Variants in LIMS2 observed in about 807,000 individuals in gnomAD.
The protein encoded by LIMS2 is LIM zinc finger domain containing 2, also known as LIM and senescent cell antigen-like-containing domain protein 2.
In LIMS2, 30 loss-of-function variants were observed where a neutral mutation model predicts 45.3. That is an observed-to-expected ratio of 0.66 (90% confidence interval 0.50 to 0.90). The LOEUF is 0.90. Among genes scored for constraint, LIMS2 ranks in the 40% least tolerant of loss-of-function variants. The probability of loss-of-function intolerance (pLI) is 0.00; values close to 1 mark genes in which losing one functional copy is unlikely to be tolerated. For synonymous variants in LIMS2, 173 were observed against 188.0 expected (o/e 0.92, Z 0.65); for missense variants, 485 against 468.7 (o/e 1.03, Z -0.32).
chr2:127,667,163 T>G lies in LIMS2; in HGVS notation c.11+7851A>C, dbSNP rs752293194. ...TACAAAACACCAGTGTGGTGGCACA[T>G]GCCTATAATCCCAGCTACTCAGGAG... On this transcript the variant is annotated intron_variant, in intron 1 of 9. Coordinates refer to ENST00000355119, the MANE Select transcript of LIMS2 (RefSeq NM_001161403.3). The surrounding 1 kb of genome is among the most constrained non-coding windows in gnomAD (Gnocchi z 4.1). 6.6e-6 allele frequency among the ~76,000 whole-genome samples: 1 copy of G among 152,176 alleles called. No homozygotes were observed.
intron 1 of LIMS2, among the ~76,000 whole-genome samples, chr2:127,666,829 T>G (rs1285801019): frequency 6.6e-6 from 1 of 152,028 alleles, no homozygotes; most frequent in African/African-American, 2.4e-5. Flanking sequence ...ATGAGCCCCT[T>G]ATAAAACCAG....
At position 127,640,289 on chromosome 2, in the gene LIMS2, G is replaced by T. The variant is rs1460705522; in HGVS notation, c.783C>A (p.Ser261Arg). The change falls in exon 8 of 10, where the codon AGC becomes AGA. Residue 261 changes from serine to arginine, a missense_variant. Coordinates refer to ENST00000355119, the MANE Select transcript of LIMS2 (RefSeq NM_001161403.3). The stretch of plus-strand genomic sequence containing the variant: ...CCTCACCATCGCCTTCAATCACATG[G>T]CTGCAGTTGTAGCAGACGTCCCCGA... The part of the protein sequence containing the change: ...QLFGDVCYNC[S>R]HVIEGDVVSA... 3.7e-6 allele frequency: 6 copies of T among 1,613,172 alleles called. No homozygotes were observed. The East Asian group carries it at 1.3e-4, about 36-fold the overall frequency.
chr2:127,639,187 G>A lies in LIMS2; in HGVS notation c.*94C>T, dbSNP rs1682132935. The A allele has an allele frequency of 4.5e-6, 6 of 1,329,116 alleles. No individual in the cohort carries two copies. The highest frequency in any genetic ancestry group is 3.9e-5 in the South Asian group (3 of 76,906). 82.3% of individuals were successfully genotyped at this position (1,329,116 alleles called of 1,614,324 possible). On this transcript the variant is annotated 3_prime_UTR_variant, in exon 10 of 10. Transcript: ENST00000355119. ...GAAAGAGAAAGGGAGGGTAAGATGC[G>A]GAGGGCACAGGTGGATGGGGACGAG...
intron 1 of LIMS2, among the ~76,000 whole-genome samples, chr2:127,665,045 C>T (rs531179672): frequency 1.6e-4 from 24 of 152,160 alleles, no homozygotes; most frequent in Admixed American, 1.4e-3. Context: ...GGGGAGCAGA[C>T]GCAGAGGGAC....
intron 1 of LIMS2, among the ~76,000 whole-genome samples, chr2:127,658,566 G>A (rs1468064706): frequency 1.3e-5 from 2 of 152,152 alleles, no homozygotes; most frequent in Admixed American, 6.5e-5. Flanking sequence ...AGCCAGGCCC[G>A]CAATCAGTCC....
In LIMS2 at chr2:127,671,977, G is replaced by A. The variant is rs1160884352; in HGVS notation, c.11+3037C>T. Among the ~76,000 whole-genome samples the A allele has an allele frequency of 1.3e-5, 2 of 152,242 alleles. No homozygotes were observed. Among genetic ancestry groups the A allele is most frequent in the East Asian group, 3.8e-4 (2 of 5,196 alleles). On this transcript the variant is annotated intron_variant, in intron 1 of 9. Coordinates refer to ENST00000355119, the MANE Select transcript of LIMS2 (RefSeq NM_001161403.3). The surrounding 1 kb of genome is among the most constrained non-coding windows in gnomAD (Gnocchi z 4.1). ...CGGGCACACTCCTCACCCGGAGGAG[G>A]GGCAAGATTGGTGGATATGAGGGCA...
chr2:127,662,625 CTTGTGGGGTGGGGG>C (rs1186420871), intron 1 of LIMS2, among the ~76,000 whole-genome samples: 1 of 59,224 alleles, frequency 1.7e-5, no homozygotes, highest in African/African-American at 7.3e-5. Flanking sequence ...ACCAGAGGCT[CTTGTGGGGTGGGGG>C]GTGGGGGGTG....
chr2:127,674,542 T>A, intron 1 of LIMS2: 1 of 829,246 alleles, frequency 1.2e-6, no homozygotes, highest in Non-Finnish European at 1.5e-6. Flanking sequence ...AGTTCCAACA[T>A]ACCCTTCAAC....
chr2:127,650,768 G>C, intron 4 of LIMS2: 1 of 1,613,848 alleles, frequency 6.2e-7, no homozygotes, highest in Non-Finnish European at 8.5e-7. Flanking sequence ...CCCCAGGTCT[G>C]ATCACCAACT....
chr2:127,642,261 G>C lies in LIMS2; in HGVS notation c.510-62C>G. On this transcript the variant is annotated intron_variant, in intron 5 of 9. Transcript: ENST00000355119. This position sits in a 1 kb window ranked among gnomAD's most constrained non-coding sequence, Gnocchi z 5.3. ...GCCCTTCTGCAGGGTCATGCCAGCA[G>C]CGCCTCCACCCCAGGGCACGGCTCC... is the stretch of plus-strand genomic sequence containing the variant. The C allele has an allele frequency of 7.0e-7, 1 of 1,430,878 alleles. No homozygotes were observed. The highest frequency in any genetic ancestry group is 1.5e-5 in the South Asian group (1 of 68,242). 88.6% of individuals were successfully genotyped at this position (1,430,878 alleles called of 1,614,324 possible). A position where few individuals can be genotyped will look rare whatever the true frequency, so the allele number is the denominator to read the frequency against.
intron 4 of LIMS2, chr2:127,643,690 G>A: frequency 9.2e-6 from 4 of 433,284 alleles, no homozygotes; most frequent in Non-Finnish European, 1.9e-5. Flanking sequence ...GTTCTCAACG[G>A]AGAGACAAAT....
chr2:127,649,476 A>G (rs1242666470), intron 4 of LIMS2, among the ~76,000 whole-genome samples: 1 of 152,260 alleles, frequency 6.6e-6, no homozygotes, highest in Non-Finnish European at 1.5e-5. Flanking sequence ...CTGTGCCATC[A>G]TCAGCACCCA....
rs1379406462 is a variant in LIMS2, at chr2:127,647,747, A to ACCATCCTCTCTGCTTGCCTCCCAT, written c.360-4676_360-4675insATGGGAGGCAAGCAGAGAGGATGG. On this transcript the variant is annotated intron_variant, in intron 4 of 9. Transcript: ENST00000355119. This position sits in a 1 kb window ranked among gnomAD's most constrained non-coding sequence, Gnocchi z 4.3. ...GCACACCTGTGTGCCCCTCCCATCT[A>ACCATCCTCTCTGCTTGCCTCCCAT]CCATGGGCTGTCCTCTCTGCTTGCC... Among the ~76,000 whole-genome samples, 9 of 151,192 alleles carry ACCATCCTCTCTGCTTGCCTCCCAT rather than the reference A, an allele frequency of 6.0e-5. No homozygotes were observed. Among genetic ancestry groups the ACCATCCTCTCTGCTTGCCTCCCAT allele is most frequent in the Non-Finnish European group, 1.2e-4 (8 of 67,800 alleles).
chr2:127,641,201 C>T (rs1184043631), intron 6 of LIMS2: 3 of 543,366 alleles, frequency 5.5e-6, no homozygotes, highest in African/African-American at 3.8e-5. Context: ...GGGACTGACA[C>T]CTCTGTGAAT....
intron 1 of LIMS2, among the ~76,000 whole-genome samples, chr2:127,660,988 A>G (rs1422765782): frequency 2.0e-5 from 3 of 152,152 alleles, no homozygotes; most frequent in Admixed American, 6.5e-5. Context: ...GCCCCAGCCC[A>G]AGTCACAGAG....
chr2:127,680,151 G>A (rs55768871), upstream of LIMS2, among the ~76,000 whole-genome samples: 1,587 of 152,372 alleles, frequency 0.01, 15 homozygotes, highest in Middle Eastern at 0.054. Flanking sequence ...AACCCCCCGG[G>A]GGGGAGCGGG....
intron 4 of LIMS2, chr2:127,652,219 ACT>A (rs1461180908): frequency 5.2e-6 from 1 of 192,094 alleles, no homozygotes; most frequent in African/African-American, 2.4e-5. Context: ...AGTGCAAGGT[ACT>A]CTGAGTCCCC....
At position 127,651,121 on chromosome 2, in the gene LIMS2, G is replaced by A. The variant is rs146830904; in HGVS notation, c.359+3303C>T. 172 of 1,613,328 alleles carry A rather than the reference G, an allele frequency of 1.1e-4. No homozygotes were observed. Among genetic ancestry groups the A allele is most frequent in the Admixed American group, 2.2e-4 (13 of 60,006 alleles). On this transcript the variant is annotated intron_variant, in intron 4 of 9. Coordinates refer to ENST00000355119, the MANE Select transcript of LIMS2 (RefSeq NM_001161403.3). ...TTCCTCACCTGCATCAGCGCCGACCGTTTCCTGGCCATTGTGCACCCGGTC... is the reference window on the plus strand; with the variant it reads ...TTCCTCACCTGCATCAGCGCCGACCATTTCCTGGCCATTGTGCACCCGGTC...
chr2:127,642,383 GCA>G lies in LIMS2; in HGVS notation c.510-186_510-185del, dbSNP rs1682515186. The G allele has an allele frequency of 1.6e-6, 1 of 622,814 alleles. No individual in the cohort carries two copies. The highest frequency in any genetic ancestry group is 3.0e-5 in the East Asian group (1 of 33,686). The allele number at this position is 622,814 out of a possible 1,614,324, so 38.6% of individuals were successfully genotyped here. ...TCCTGTGCCCCAGACAGGCCCTGGA[GCA>G]CAGACTTCCTGCACAGCCCAGAAGA... On this transcript the variant is annotated intron_variant, in intron 5 of 9. Transcript: ENST00000355119. The surrounding 1 kb of genome is among the most constrained non-coding windows in gnomAD (Gnocchi z 5.3).
Sources: gnomAD v4.1 joint callset for allele counts (sites outside exome capture counted in the v4.1 genomes callset) on GRCh38, gnomAD v4.1.1 for gene constraint, Gnocchi (gnomAD v3.1) non-coding constraint, MANE v1.5 for transcripts, NCBI Gene and HGNC (gene_info 2026-07-23, HGNC 2026-07-21) for gene names.